Variants in INTS11 observed in about 807,000 individuals in gnomAD.
INTS11 encodes the protein CPSF3-like protein.
In INTS11, 77 loss-of-function variants were observed where a neutral mutation model predicts 78.6. The observed-to-expected ratio is 0.98, with a 90% CI of 0.81 to 1.18. INTS11 has a LOEUF of 1.18. Ranked by LOEUF, INTS11 falls within the 50% of genes most tolerant of loss-of-function variation. INTS11 has a pLI of 0.00. For synonymous variants in INTS11, 441 were observed against 326.9 expected (o/e 1.35, Z -3.77); for missense variants, 875 against 825.9 (o/e 1.06, Z -0.73).
At position 1,314,557 on chromosome 1, in the gene INTS11, C is replaced by T. The variant is rs1349999440; in HGVS notation, c.703-192G>A. On this transcript the variant is annotated intron_variant, in intron 7 of 16. Transcript: ENST00000435064. The surrounding 1 kb of genome is among the most constrained non-coding windows in gnomAD (Gnocchi z 4.2). Reference sequence around the variant, plus strand: ...CCGTATGAGAGACAGGAGGGAGCCGCATGAGAGACAGAAGGGAGCTGCATG... The same window carrying T: ...CCGTATGAGAGACAGGAGGGAGCCGTATGAGAGACAGAAGGGAGCTGCATG... 1.6e-6 allele frequency: 1 copy of T among 634,702 alleles called. No individual in the cohort carries two copies. Among genetic ancestry groups the T allele is most frequent in the Non-Finnish European group, 2.7e-6 (1 of 368,504 alleles). The allele number at this position is 634,702 out of a possible 1,614,324, so 39.3% of individuals were successfully genotyped here.
chr1:1,312,213 G>GGGGGGGCCCCCCCGCCCCCC lies in INTS11; in HGVS notation c.1607+12_1607+13insGGGGGGCGGGGGGGCCCCCC. The GGGGGGGCCCCCCCGCCCCCC allele has an allele frequency of 1.1e-6, 1 of 934,630 alleles. No homozygotes were observed. The highest frequency in any genetic ancestry group is 1.6e-6 in the Non-Finnish European group (1 of 636,678). 57.9% of individuals were successfully genotyped at this position (934,630 alleles called of 1,614,324 possible). The stretch of plus-strand genomic sequence containing the variant: ...CCCAAGGGAGTGGGGGGGGGGCGGG[G>GGGGGGGCCCCCCCGCCCCCC]CCGGGCGCCCACCTCTTGAGGTGGC... On this transcript the variant is annotated intron_variant, in intron 15 of 16. Coordinates refer to ENST00000435064, the MANE Select transcript of INTS11 (RefSeq NM_017871.6).
rs1203398979 is a variant in INTS11 at position 1,312,505 on chromosome 1, CGGA to C, written c.1403-7_1403-5del. On this transcript the variant is annotated splice_polypyrimidine_tract_variant and splice_region_variant and intron_variant, in intron 13 of 16. Transcript: ENST00000435064. ...TTCTTGGCCTCAGGGAGCAGCCCTGCGGAGGAGGTGGCAGGAGCCATCAATGTG... is the reference window on the plus strand; with the variant it reads ...TTCTTGGCCTCAGGGAGCAGCCCTGCGGAGGTGGCAGGAGCCATCAATGTG... 27 of 1,581,734 alleles carry C rather than the reference CGGA, an allele frequency of 1.7e-5. No homozygotes were observed. Among genetic ancestry groups the C allele is most frequent in the Non-Finnish European group, 2.2e-5 (26 of 1,164,716 alleles).
rs540419230 is a variant in INTS11 at position 1,312,660 on chromosome 1, C to T, written c.1335G>A (p.Thr445=). 175 of 1,595,054 alleles carry T rather than the reference C, an allele frequency of 1.1e-4. No individual in the cohort carries two copies. Among genetic ancestry groups the T allele is most frequent in the Non-Finnish European group, 1.4e-4 (160 of 1,167,934 alleles). Residue 445 remains threonine, a synonymous_variant, in exon 13 of 17, where the codon ACG becomes ACA. Coordinates refer to ENST00000435064, the MANE Select transcript of INTS11 (RefSeq NM_017871.6). ...CYMPANGETV[T]LPTSPSIPVG... is the part of the protein sequence containing the mutation. ...CGGGGATGCTGGGGCTTGTGGGCAGCGTCACCGTCTCGCCATTGGCCGGCA... is the reference window on the plus strand; with the variant it reads ...CGGGGATGCTGGGGCTTGTGGGCAGTGTCACCGTCTCGCCATTGGCCGGCA...
intron 4 of INTS11, chr1:1,316,511 GGGA>G (rs1162290915): frequency 6.6e-6 from 1 of 152,204 alleles, no homozygotes; most frequent in Non-Finnish European, 1.5e-5. Flanking sequence ...ACTTGAACCC[GGGA>G]GGCGGAGATT....
At position 1,315,576 on chromosome 1, in the gene INTS11, C is replaced by T. The variant is rs201890171; in HGVS notation, c.472G>A (p.Val158Met). 14 of 1,612,226 alleles carry T rather than the reference C, an allele frequency of 8.7e-6. No homozygotes were observed. Among genetic ancestry groups the T allele is most frequent in the South Asian group, 5.5e-5 (5 of 90,974 alleles). The change falls in exon 5 of 17, where the codon GTG (valine) becomes ATG (methionine). Residue 158 changes from valine to methionine, a missense_variant. By Grantham distance (21) the Val-to-Met change is conservative. Coordinates refer to ENST00000435064, the MANE Select transcript of INTS11 (RefSeq NM_017871.6). ...ATCTGGAACATGGCTGCCCCCAGCA[C>T]GTGGCCTGCATAGTAGGCCTTGATC... The part of the protein sequence containing the change: ...LEIKAYYAGH[V>M]LGAAMFQIKV...
chr1:1,312,208 G>GGC lies in INTS11; in HGVS notation c.1607+17_1607+18insGC. On this transcript the variant is annotated intron_variant, in intron 15 of 16. Coordinates refer to ENST00000435064, the MANE Select transcript of INTS11 (RefSeq NM_017871.6). ...CAGGGCCCAAGGGAGTGGGGGGGGGGCGGGGCCGGGCGCCCACCTCTTGAG... is the reference window on the plus strand; with the variant it reads ...CAGGGCCCAAGGGAGTGGGGGGGGGGGCCGGGGCCGGGCGCCCACCTCTTGAG... The GGC allele has an allele frequency of 8.9e-7, 1 of 1,123,356 alleles. No individual in the cohort carries two copies. The highest frequency in any genetic ancestry group is 2.8e-5 in the East Asian group (1 of 36,198). 69.6% of individuals were successfully genotyped at this position (1,123,356 alleles called of 1,614,324 possible).
chr1:1,318,677 C>A, intron 4 of INTS11: 6 of 440,650 alleles, frequency 1.4e-5, no homozygotes, highest in South Asian at 5.6e-5. Context: ...AGTTTCACAA[C>A]AAAAAAGATA....
intron 1 of INTS11, among the ~76,000 whole-genome samples, chr1:1,321,338 G>A (rs1286422714): frequency 6.6e-6 from 1 of 152,186 alleles, no homozygotes; most frequent in Non-Finnish European, 1.5e-5. Context: ...AGCTTCCCCT[G>A]GCCTCTTAAG....
At position 1,312,455 on chromosome 1, in the gene INTS11, C is replaced by T. The variant is rs375000801; in HGVS notation, c.1449G>A (p.Leu483=). The stretch of plus-strand genomic sequence containing the variant: ...TGGCACTCACGCTGTCCTTCATGAT[C>T]AGGGTGCCGTGCAGGAGCCGAGGCT... ...AKKPRLLHGT[L]IMKDSNFRLV... The change falls in exon 14 of 17, where the codon CTG becomes CTA. Residue 483 remains leucine (L), a synonymous_variant. Coordinates refer to ENST00000435064, the MANE Select transcript of INTS11 (RefSeq NM_017871.6). The T allele has an allele frequency of 1.9e-6, 3 of 1,572,182 alleles. No homozygotes were observed. The highest frequency in any genetic ancestry group is 1.9e-5 in the Admixed American group (1 of 53,866).
rs528117709 is a variant in INTS11, at chr1:1,318,938, C to T, written c.429+358G>A. 7 of 717,220 alleles carry T rather than the reference C, an allele frequency of 9.8e-6. No individual in the cohort carries two copies. In the African/African-American group the frequency reaches 1.2e-4, roughly 12 times the overall value. The allele number at this position is 717,220 out of a possible 1,614,324, so 44.4% of individuals were successfully genotyped here. A position where few individuals can be genotyped will look rare whatever the true frequency, so the allele number is the denominator to read the frequency against. ...CATCTCCCCTCCAGCCCCTGCCTCC[C>T]TGCCCGGCAACACCCCGGGAGCTCC... On this transcript the variant is annotated intron_variant, in intron 4 of 16. Coordinates refer to ENST00000435064, the MANE Select transcript of INTS11 (RefSeq NM_017871.6).
chr1:1,321,895 G>GTA, intron 1 of INTS11: 1 of 800,962 alleles, frequency 1.2e-6, no homozygotes, highest in Non-Finnish European at 1.8e-6. Context: ...TTTTCCCCTT[G>GTA]AATCCCACCC....
intron 4 of INTS11, chr1:1,318,767 T>C (rs1257669964): frequency 7.5e-6 from 4 of 531,142 alleles, no homozygotes; most frequent in Admixed American, 3.7e-5. Context: ...TTTCAAGAAA[T>C]ATAAAAGCAA....
Position 1,311,685 on chromosome 1 carries a change from T to C in INTS11, c.*174A>G, listed in dbSNP as rs1270606035. 4.1e-6 allele frequency: 3 copies of C among 737,168 alleles called. No homozygotes were observed. The highest frequency in any genetic ancestry group is 2.2e-5 in the Admixed American group (1 of 46,412). The allele number at this position is 737,168 out of a possible 1,614,324, so 45.7% of individuals were successfully genotyped here. ...AAGGCAAGACAGCCTGGAGACCAGTTTGTTTCTTCAGCTGCAAACAGCTGC... is the reference window on the plus strand; with the variant it reads ...AAGGCAAGACAGCCTGGAGACCAGTCTGTTTCTTCAGCTGCAAACAGCTGC... On this transcript the variant is annotated 3_prime_UTR_variant, in exon 17 of 17. Transcript: ENST00000435064.
rs980388319 is a variant in INTS11, at chr1:1,314,342, C to T, written c.726G>A (p.Leu242=). 3 of 1,607,656 alleles carry T rather than the reference C, an allele frequency of 1.9e-6. No individual in the cohort carries two copies. Among genetic ancestry groups the T allele is most frequent in the South Asian group, 1.1e-5 (1 of 90,122 alleles). ...GGATGCAGAGCTCCTGGGCGCGGCCCAGCGCGAACACAGGTATCAGCACCT... is the reference window on the plus strand; with the variant it reads ...GGATGCAGAGCTCCTGGGCGCGGCCTAGCGCGAACACAGGTATCAGCACCT... The part of the protein sequence containing the change: ...GGKVLIPVFA[L]GRAQELCILL... The change falls in exon 8 of 17, where the codon CTG becomes CTA. Residue 242 remains leucine (L), a synonymous_variant. Coordinates refer to ENST00000435064, the MANE Select transcript of INTS11 (RefSeq NM_017871.6). This position sits in a 1 kb window ranked among gnomAD's most constrained non-coding sequence, Gnocchi z 4.2.
intron 3 of INTS11, chr1:1,320,190 G>C: frequency 2.1e-6 from 1 of 470,870 alleles, no homozygotes; most frequent in South Asian, 2.4e-5. Flanking sequence ...TAAAGATCCT[G>C]AGACAGTGAA....
chr1:1,311,878 A>G lies in INTS11; in HGVS notation c.1784T>C (p.Leu595Pro), dbSNP rs748474168. Residue 595 changes from leucine to proline, a missense_variant, in exon 17 of 17, where the codon CTC (leucine) becomes CCC (proline). Transcript: ENST00000435064. ...SFLTSLLKKG[L>P]PQAPS Reference sequence around the variant, plus strand: ...CCGGCCTCAGCTGGGGGCCTGGGGGAGGCCCTTCTTCAGCAGAGATGTGAG... The same window carrying G: ...CCGGCCTCAGCTGGGGGCCTGGGGGGGGCCCTTCTTCAGCAGAGATGTGAG... 1 of 1,562,548 alleles carries G rather than the reference A, an allele frequency of 6.4e-7. No individual in the cohort carries two copies.
At position 1,314,109 on chromosome 1, in the gene INTS11, C is replaced by A. The variant is rs72631902; in HGVS notation, c.768-188G>T. ...CTCAGCGGAGAACCAGGAACCCCTA[C>A]AAGAGCCGCACACGGTGGCGCTGAC... is the stretch of plus-strand genomic sequence containing the variant. On this transcript the variant is annotated intron_variant, in intron 8 of 16. Transcript: ENST00000435064. This position sits in a 1 kb window ranked among gnomAD's most constrained non-coding sequence, Gnocchi z 4.2. 5.3e-6 allele frequency: 4 copies of A among 760,266 alleles called. No homozygotes were observed. In the Admixed American group the frequency reaches 7.6e-5, roughly 14 times the overall value. 47.1% of individuals were successfully genotyped at this position (760,266 alleles called of 1,614,324 possible).
At chr1:1,316,098 A>G (rs576590219) in intron 4 of INTS11, 3 of 198,970 alleles carry the variant, frequency 1.5e-5, no homozygotes, top group Admixed American at 1.1e-4. Flanking sequence ...CCTGGCCAAC[A>G]TGGTGAAACC....
intron 10 of INTS11, 128 bp from the exon 11 acceptor site, chr1:1,313,252 G>T: frequency 9.0e-7 from 1 of 1,117,248 alleles, no homozygotes; most frequent in Non-Finnish European, 1.3e-6. Context: ...ACCAAGCCTA[G>T]CTGCAGACTC....
Sources: gnomAD v4.1 joint callset for allele counts (sites outside exome capture counted in the v4.1 genomes callset) on GRCh38, gnomAD v4.1.1 for gene constraint, Gnocchi (gnomAD v3.1) non-coding constraint, MANE v1.5 for transcripts, NCBI Gene and HGNC (gene_info 2026-07-23, HGNC 2026-07-21) for gene names.